GNB4: variants seen among roughly 807,000 people sequenced by gnomAD.
GNB4 encodes the protein G protein subunit beta 4.
In GNB4, 28 loss-of-function variants were observed where a neutral mutation model predicts 45.2. The ratio of observed to expected loss-of-function variants is 0.62; its 90% confidence interval spans 0.46 to 0.85. GNB4 has a LOEUF of 0.85. Among genes scored for constraint, GNB4 ranks in the 40% least tolerant of loss-of-function variants. The pLI is 0.00. For synonymous variants in GNB4, 132 were observed against 143.7 expected (o/e 0.92, Z 0.58); for missense variants, 321 against 425.4 (o/e 0.75, Z 2.16).
chr3:179,524,159 C>G, the GNB4 span, among the ~76,000 whole-genome samples: 5,149 of 152,292 alleles, frequency 0.034, 201 homozygotes, highest in East Asian at 0.18. Flanking sequence ...TGATGGTCCA[C>G]GAGGCTTCTG....
the GNB4 span, among the ~76,000 whole-genome samples, chr3:179,513,039 A>T: frequency 6.6e-6 from 1 of 152,016 alleles, no homozygotes; most frequent in African/African-American, 2.4e-5. Flanking sequence ...TGGCTTTCTA[A>T]CTGGTGGTAA....
the GNB4 span, among the ~76,000 whole-genome samples, chr3:179,475,256 T>G: frequency 6.6e-6 from 1 of 151,988 alleles, no homozygotes. Context: ...TAGCTGGGAC[T>G]ACATGCACGT....
At chr3:179,515,540 G>T in the GNB4 span, among the ~76,000 whole-genome samples, 1 of 152,178 alleles carries the variant, frequency 6.6e-6, no homozygotes, top group African/African-American at 2.4e-5. Flanking sequence ...TCTGAGCCAG[G>T]AGAAGGAATT....
chr3:179,401,427 G>A, intron 9 of GNB4, 108 bp from the exon 10 acceptor site: 1 of 491,532 alleles, frequency 2.0e-6, no homozygotes, highest in Non-Finnish European at 3.5e-6. Flanking sequence ...CAGTTTTCTT[G>A]AAAGTTCATC....
chr3:179,482,320 A>C, the GNB4 span, among the ~76,000 whole-genome samples: 1 of 152,252 alleles, frequency 6.6e-6, no homozygotes, highest in Admixed American at 6.5e-5. Context: ...ATAGGCATAC[A>C]TCAGCGAAGA....
At chr3:179,455,141 T>C (rs1715959431), upstream of GNB4, among the ~76,000 whole-genome samples, 1 of 152,196 alleles carries the variant, frequency 6.6e-6, no homozygotes, top group Non-Finnish European at 1.5e-5. Flanking sequence ...TCGTTAACCA[T>C]GGGAATTTGG....
intron 1 of GNB4, 45 bp downstream of exon 1, chr3:179,451,301 C>T (rs928478259): frequency 6.6e-6 from 1 of 151,434 alleles, no homozygotes; most frequent in Admixed American, 6.6e-5. Flanking sequence ...GGGATCGCTT[C>T]GCGGGGCGCA....
At chr3:179,473,770 T>A in the GNB4 span, among the ~76,000 whole-genome samples, 1 of 152,200 alleles carries the variant, frequency 6.6e-6, no homozygotes, top group Admixed American at 6.5e-5. Flanking sequence ...AATTCCAGCC[T>A]GTTATATAAG....
chr3:179,510,606 T>A, the GNB4 span, among the ~76,000 whole-genome samples: 1 of 152,166 alleles, frequency 6.6e-6, no homozygotes, highest in African/African-American at 2.4e-5. Context: ...TGCTCTTTTT[T>A]TTTTTTTTAC....
At chr3:179,453,160 G>T (rs1439781131), upstream of GNB4, among the ~76,000 whole-genome samples, 1 of 151,814 alleles carries the variant, frequency 6.6e-6, no homozygotes, top group Admixed American at 6.6e-5. Context: ...TTTTTGTTTT[G>T]AGACGGAGTC....
the GNB4 span, among the ~76,000 whole-genome samples, chr3:179,461,710 A>AT: frequency 4.6e-5 from 7 of 151,788 alleles, no homozygotes; most frequent in South Asian, 8.3e-4. Context: ...CTAAAAACAA[A>AT]TTTTTTTTTG....
the GNB4 span, among the ~76,000 whole-genome samples, chr3:179,467,888 C>T: frequency 2.6e-5 from 4 of 151,466 alleles, no homozygotes; most frequent in Non-Finnish European, 4.4e-5. Flanking sequence ...TTACCTCTGT[C>T]GAACCTGTAT....
chr3:179,475,088 C>A, the GNB4 span, among the ~76,000 whole-genome samples: 2 of 151,812 alleles, frequency 1.3e-5, no homozygotes, highest in Non-Finnish European at 2.9e-5. Context: ...ACAGAGAGGG[C>A]CAAACTCGCT....
At chr3:179,489,223 T>C in the GNB4 span, among the ~76,000 whole-genome samples, 1 of 151,014 alleles carries the variant, frequency 6.6e-6, no homozygotes, top group Non-Finnish European at 1.5e-5. Flanking sequence ...AAATAAAAAA[T>C]GGAAAATAAA....
the GNB4 span, among the ~76,000 whole-genome samples, chr3:179,505,260 T>C: frequency 6.6e-6 from 1 of 152,158 alleles, no homozygotes; most frequent in Non-Finnish European, 1.5e-5. Flanking sequence ...GTAGATCTGA[T>C]TGAGAGCTAT....
At position 179,399,464 on chromosome 3, in the gene GNB4, A is replaced by T. The variant is rs1714220350; in HGVS notation, c.*1749T>A. The stretch of plus-strand genomic sequence containing the variant: ...GTGATCTGCCCACCTTGGCCTCCCA[A>T]ATTGCTGGGATTATAGGTGTAAGCC... On this transcript the variant is annotated 3_prime_UTR_variant, in exon 10 of 10. Transcript: ENST00000232564. 6.6e-6 allele frequency: 1 copy of T among 152,262 alleles called. No homozygotes were observed. Among genetic ancestry groups the T allele is most frequent in the Admixed American group, 6.5e-5 (1 of 15,284 alleles). 9.4% of individuals were successfully genotyped at this position (152,262 alleles called of 1,614,324 possible).
At chr3:179,460,273 T>TA in the GNB4 span, among the ~76,000 whole-genome samples, 1 of 152,234 alleles carries the variant, frequency 6.6e-6, no homozygotes, top group Non-Finnish European at 1.5e-5. Context: ...ACCTCATTGT[T>TA]AAAAATCTCA....
At chr3:179,490,469 A>T in the GNB4 span, among the ~76,000 whole-genome samples, 1 of 152,242 alleles carries the variant, frequency 6.6e-6, no homozygotes, top group East Asian at 1.9e-4. Context: ...TCATTAGGGG[A>T]GTTGGCTTAT....
At chr3:179,440,884 G>T (rs1206395142) in intron 1 of GNB4, among the ~76,000 whole-genome samples, 4 of 148,874 alleles carry the variant, frequency 2.7e-5, no homozygotes, top group Non-Finnish European at 4.4e-5. Context: ...GATAGATAGA[G>T]AGAGAGAGAG....
Sources: allele counts gnomAD v4.1 joint callset (sites outside exome capture counted in the v4.1 genomes callset), GRCh38; gene constraint gnomAD v4.1.1; transcripts MANE v1.5; gene names NCBI Gene and HGNC (gene_info 2026-07-23, HGNC 2026-07-21).